The following TUBA8 variants were observed in gnomAD, a reference collection of about 807,000 sequenced individuals.
TUBA8 encodes tubulin alpha 8.
TUBA8 carries 29 observed loss-of-function variants against 34.7 expected under a neutral mutation model. That is an observed-to-expected ratio of 0.84 (90% CI 0.62 to 1.14). The LOEUF is 1.14. Among genes scored for constraint, TUBA8 ranks in the 50% most tolerant of loss-of-function variants. TUBA8 has a pLI of 0.00. For missense variants in TUBA8, 541 were observed against 599.2 expected (o/e 0.90, Z 1.01); for synonymous variants, 226 against 231.2 (o/e 0.98, Z 0.21).
intron 1 of TUBA8, chr22:18,120,333 CTGTCCATGAG>C (rs1488290721): frequency 6.6e-6 from 1 of 152,210 alleles, no homozygotes; most frequent in Non-Finnish European, 1.5e-5. Flanking sequence ...TGCCATTTTT[CTGTCCATGAG>C]TACCCATGTT....
chr22:18,116,083 A>C (rs1404056803), intron 1 of TUBA8: 1 of 152,280 alleles, frequency 6.6e-6, no homozygotes, highest in Non-Finnish European at 1.5e-5. Context: ...CTGAAATATG[A>C]GTTTGGAGCG....
intron 1 of TUBA8, chr22:18,114,320 C>CT (rs1354188934): frequency 2.0e-5 from 3 of 152,346 alleles, no homozygotes; most frequent in African/African-American, 7.2e-5. Context: ...TGGAAGTCTC[C>CT]TTAGCAGATG....
At position 18,121,760 on chromosome 22, in the gene TUBA8, C is replaced by T. The variant is rs941011650; in HGVS notation, c.226+59C>T. On this transcript the variant is annotated intron_variant, in intron 2 of 4. Coordinates refer to ENST00000330423, the MANE Select transcript of TUBA8 (RefSeq NM_018943.3). This position sits in a 1 kb window ranked among gnomAD's most constrained non-coding sequence, Gnocchi z 4.8. ...CATCTCGAAACTGCAGAGGCATTGG[C>T]CCACAGTAGCTAAGGAAGCAGCGTC... The T allele has an allele frequency of 5.9e-5, 90 of 1,513,780 alleles. No individual in the cohort carries two copies. Among genetic ancestry groups the T allele is most frequent in the Non-Finnish European group, 7.9e-5 (87 of 1,096,168 alleles). 93.8% of individuals were successfully genotyped at this position (1,513,780 alleles called of 1,614,324 possible).
At chr22:18,128,190 G>A (rs969627292) in intron 4 of TUBA8, 1 of 152,114 alleles carries the variant, frequency 6.6e-6, no homozygotes, top group Non-Finnish European at 1.5e-5. Context: ...GGAGTAATAA[G>A]ATACTTTTAT....
chr22:18,124,051 G>T lies in TUBA8; in HGVS notation c.227-105G>T. The T allele has an allele frequency of 1.4e-6, 2 of 1,424,834 alleles. No homozygotes were observed. Among genetic ancestry groups the T allele is most frequent in the South Asian group, 1.2e-5 (1 of 84,824 alleles). 88.3% of individuals were successfully genotyped at this position (1,424,834 alleles called of 1,614,324 possible). A position where few individuals can be genotyped will look rare whatever the true frequency, so the allele number is the denominator to read the frequency against. ...GGTGGTCTGGCTTCAAACCTCCATG[G>T]AGTTTTATAGGTAGGGGAGAACGGA... On this transcript the variant is annotated intron_variant, in intron 2 of 4. Transcript: ENST00000330423. The surrounding 1 kb of genome is among the most constrained non-coding windows in gnomAD (Gnocchi z 4.3).
Position 18,121,700 on chromosome 22 carries a change from G to C in TUBA8, c.225G>C (p.Val75=), listed in dbSNP as rs775947948. Residue 75 remains valine, a splice_region_variant and synonymous_variant, in exon 2 of 5, where the codon GTG becomes GTC. Coordinates refer to ENST00000330423, the MANE Select transcript of TUBA8 (RefSeq NM_018943.3). This position sits in a 1 kb window ranked among gnomAD's most constrained non-coding sequence, Gnocchi z 4.8. ...AVMIDLEPTV[V]DEVRAGTYRQ... is the part of the protein sequence containing the mutation. Reference sequence around the variant, plus strand: ...TGATAGATCTGGAGCCTACTGTAGTGGGTGAGTGGGGGCGGAGTTCCCCTC... The same window carrying C: ...TGATAGATCTGGAGCCTACTGTAGTCGGTGAGTGGGGGCGGAGTTCCCCTC... 1 of 1,613,866 alleles carries C rather than the reference G, an allele frequency of 6.2e-7. No individual in the cohort carries two copies. The highest frequency in any genetic ancestry group is 8.5e-7 in the Non-Finnish European group (1 of 1,179,800).
intron 4 of TUBA8, chr22:18,130,641 G>A (rs912775513): frequency 4.1e-4 from 259 of 631,370 alleles, no homozygotes; most frequent in Non-Finnish European, 3.8e-4. Context: ...TGCCCTGCCT[G>A]CTTCCACTTT....
chr22:18,112,279 G>A (rs906393388), intron 1 of TUBA8: 1 of 152,140 alleles, frequency 6.6e-6, no homozygotes, highest in Non-Finnish European at 1.5e-5. Flanking sequence ...CAAACGGAGA[G>A]CAAATGGTAT....
chr22:18,121,457 C>G lies in TUBA8; in HGVS notation c.4-22C>G, dbSNP rs745822596. 1 of 1,608,858 alleles carries G rather than the reference C, an allele frequency of 6.2e-7. No individual in the cohort carries two copies. The highest frequency in any genetic ancestry group is 1.1e-5 in the South Asian group (1 of 90,964). ...GCTGGGGGCCCAGACTCTCTGACCT[C>G]GTTGCTTCCCTCTCCCCACAGCGGG... On this transcript the variant is annotated intron_variant, in intron 1 of 4. Transcript: ENST00000330423. This position sits in a 1 kb window ranked among gnomAD's most constrained non-coding sequence, Gnocchi z 4.8.
rs139587355 is a variant in TUBA8 at position 18,121,746 on chromosome 22, T to C, written c.226+45T>C. 63 of 1,578,778 alleles carry C rather than the reference T, an allele frequency of 4.0e-5. No homozygotes were observed. The highest frequency in any genetic ancestry group is 3.3e-4 in the Middle Eastern group (2 of 5,990). ...CCCTCCACAGAGAACATCTCGAAAC[T>C]GCAGAGGCATTGGCCCACAGTAGCT... On this transcript the variant is annotated intron_variant, in intron 2 of 4. Coordinates refer to ENST00000330423, the MANE Select transcript of TUBA8 (RefSeq NM_018943.3). This position sits in a 1 kb window ranked among gnomAD's most constrained non-coding sequence, Gnocchi z 4.8.
chr22:18,122,361 C>A (rs989969188), intron 2 of TUBA8: 1 of 152,978 alleles, frequency 6.5e-6, no homozygotes, highest in Non-Finnish European at 1.5e-5. Context: ...GGACTGGGCA[C>A]GAAGTATATG....
chr22:18,114,835 TTGGAA>T (rs1323465732), intron 1 of TUBA8: 2 of 152,152 alleles, frequency 1.3e-5, no homozygotes, highest in African/African-American at 2.4e-5. Context: ...CTTGTGATAC[TTGGAA>T]ATAGTATCAC....
intron 4 of TUBA8, chr22:18,129,754 T>C (rs1928437430): frequency 6.6e-6 from 1 of 152,132 alleles, no homozygotes; most frequent in Non-Finnish European, 1.5e-5. Flanking sequence ...GCTATGGATT[T>C]AAGAGACTGG....
At chr22:18,113,539 T>C (rs959092199) in intron 1 of TUBA8, 1 of 152,226 alleles carries the variant, frequency 6.6e-6, no homozygotes, top group African/African-American at 2.4e-5. Context: ...TTTAACTCCA[T>C]TCCGTTAGGA....
intron 1 of TUBA8, chr22:18,112,393 T>G (rs1231849675): frequency 1.3e-5 from 2 of 152,246 alleles, no homozygotes; most frequent in Admixed American, 1.3e-4. Flanking sequence ...AATGCTAGGC[T>G]GCATACTCTA....
In TUBA8 at chr22:18,121,812, A is replaced by AT; in HGVS notation, c.226+111_226+112insT. ...CTAGCTGGAAGGTGGGGATGGTGCA[A>AT]CCGCAGCCTCCCACCCCACGTGACA... is the stretch of plus-strand genomic sequence containing the variant. On this transcript the variant is annotated intron_variant, in intron 2 of 4. Transcript: ENST00000330423. The surrounding 1 kb of genome is among the most constrained non-coding windows in gnomAD (Gnocchi z 4.8). 1 of 1,054,802 alleles carries AT rather than the reference A, an allele frequency of 9.5e-7. No individual in the cohort carries two copies. The highest frequency in any genetic ancestry group is 1.4e-6 in the Non-Finnish European group (1 of 712,186). 65.3% of individuals were successfully genotyped at this position (1,054,802 alleles called of 1,614,324 possible).
chr22:18,126,057 C>G lies in TUBA8; in HGVS notation c.376-297C>G. 2.3e-6 allele frequency: 1 copy of G among 432,458 alleles called. No individual in the cohort carries two copies. The highest frequency in any genetic ancestry group is 2.4e-5 in the South Asian group (1 of 42,276). The allele number at this position is 432,458 out of a possible 1,614,324, so 26.8% of individuals were successfully genotyped here. A position where few individuals can be genotyped will look rare whatever the true frequency, so the allele number is the denominator to read the frequency against. On this transcript the variant is annotated intron_variant, in intron 3 of 4. Transcript: ENST00000330423. This position sits in a 1 kb window ranked among gnomAD's most constrained non-coding sequence, Gnocchi z 4.0. ...TTAAAATTTTTTGTAGATGCGAGGT[C>G]TCACTATGTTGCCCATGCTGGTTGT...
In TUBA8 at chr22:18,131,222, C is replaced by A; in HGVS notation, c.*86C>A. 6.9e-7 allele frequency: 1 copy of A among 1,452,120 alleles called. No homozygotes were observed. The highest frequency in any genetic ancestry group is 9.6e-7 in the Non-Finnish European group (1 of 1,045,628). The allele number at this position is 1,452,120 out of a possible 1,614,324, so 90.0% of individuals were successfully genotyped here. A position where few individuals can be genotyped will look rare whatever the true frequency, so the allele number is the denominator to read the frequency against. Reference sequence around the variant, plus strand: ...TCAAGAGAACAGAACACTCTCCCCGCCCCAGCCTGATTCCTGCCTTACCCA... The same window carrying A: ...TCAAGAGAACAGAACACTCTCCCCGACCCAGCCTGATTCCTGCCTTACCCA... On this transcript the variant is annotated 3_prime_UTR_variant, in exon 5 of 5. Coordinates refer to ENST00000330423, the MANE Select transcript of TUBA8 (RefSeq NM_018943.3). The surrounding 1 kb of genome is among the most constrained non-coding windows in gnomAD (Gnocchi z 5.3).
rs2234336 is a variant in TUBA8 at position 18,127,115 on chromosome 22, G to A, written c.1056+81G>A. 10,234 of 1,442,962 alleles carry A rather than the reference G, an allele frequency of 7.1e-3. 44 individuals carry two copies. The highest frequency in any genetic ancestry group is 8.8e-3 in the Non-Finnish European group (9,115 of 1,035,390). The allele number at this position is 1,442,962 out of a possible 1,614,324, so 89.4% of individuals were successfully genotyped here. On this transcript the variant is annotated intron_variant, in intron 4 of 4. Transcript: ENST00000330423. The stretch of plus-strand genomic sequence containing the variant: ...ACCAAGGATATGCAATTCCATGGGC[G>A]CTTCAGGCTTTATGTGATGATAAGG...
Sources: allele counts gnomAD v4.1 joint callset, GRCh38; gene constraint gnomAD v4.1.1; non-coding constraint Gnocchi (gnomAD v3.1); transcripts MANE v1.5; gene names NCBI Gene and HGNC (gene_info 2026-07-23, HGNC 2026-07-21).